Variants in NRXN3 observed in about 807,000 individuals in gnomAD.
The protein encoded by NRXN3 is neurexin III.
A neutral mutation model predicts 137.6 loss-of-function variants in NRXN3; 32 were observed. That is an observed-to-expected ratio of 0.23 (90% confidence interval 0.18 to 0.31). The LOEUF is 0.31. Ranked by LOEUF, NRXN3 falls within the 10% of genes least tolerant of loss-of-function variation. The probability of loss-of-function intolerance (pLI) is 1.00; values close to 1 mark genes in which losing one functional copy is unlikely to be tolerated. For missense variants in NRXN3, 1,574 were observed against 2,062.5 expected, an observed-to-expected ratio of 0.76 and a Z score of 4.59; for synonymous variants, 798 against 784.5, an observed-to-expected ratio of 1.02 and a Z score of -0.29.
At chr14:79,293,076 G>GT (rs1206339986) in intron 15 of NRXN3, among the ~76,000 whole-genome samples, 1 of 152,182 alleles carries the variant, frequency 6.6e-6, no homozygotes, top group Non-Finnish European at 1.5e-5. Context: ...CATGTTTCTT[G>GT]TTTTTTCCAT....
At chr14:79,339,144 G>T (rs921716422) in intron 15 of NRXN3, among the ~76,000 whole-genome samples, 1 of 152,130 alleles carries the variant, frequency 6.6e-6, no homozygotes, top group African/African-American at 2.4e-5. Flanking sequence ...ATGGAGCAAG[G>T]TTACCTTCAC....
At chr14:79,420,986 C>G (rs2095568029) in intron 15 of NRXN3, among the ~76,000 whole-genome samples, 1 of 152,118 alleles carries the variant, frequency 6.6e-6, no homozygotes, top group Non-Finnish European at 1.5e-5. Flanking sequence ...CAAATAAGAA[C>G]AAGCATTGCA....
intron 2 of NRXN3, among the ~76,000 whole-genome samples, chr14:78,277,754 G>A (rs571968497): frequency 5.9e-5 from 9 of 152,130 alleles, no homozygotes; most frequent in Non-Finnish European, 1.3e-4. Flanking sequence ...TCCCCAGCCC[G>A]ATTCTATTTC....
At chr14:78,716,550 A>C (rs2098434934) in intron 8 of NRXN3, among the ~76,000 whole-genome samples, 1 of 152,210 alleles carries the variant, frequency 6.6e-6, no homozygotes, top group Non-Finnish European at 1.5e-5. Context: ...ATTCAGAGAC[A>C]GAAGAACGTT....
At chr14:78,754,646 T>C (rs989962272) in intron 8 of NRXN3, among the ~76,000 whole-genome samples, 6 of 152,178 alleles carry the variant, frequency 3.9e-5, no homozygotes, top group Admixed American at 6.5e-5. Flanking sequence ...GTTTTCAAAG[T>C]GCGACTGCCA....
At chr14:78,253,394 C>A (rs948319964) in intron 2 of NRXN3, among the ~76,000 whole-genome samples, 2 of 152,176 alleles carry the variant, frequency 1.3e-5, no homozygotes, top group Non-Finnish European at 2.9e-5. Context: ...TCATGGGAGT[C>A]TGGGCGCTGT....
chr14:79,245,187 G>GCATCT, intron 15 of NRXN3, among the ~76,000 whole-genome samples: 1 of 152,260 alleles, frequency 6.6e-6, no homozygotes, highest in African/African-American at 2.4e-5. Context: ...CTTGACCTAA[G>GCATCT]CATCTTTCAA....
At chr14:78,815,844 C>A (rs2153110358) in intron 10 of NRXN3, among the ~76,000 whole-genome samples, 1 of 152,196 alleles carries the variant, frequency 6.6e-6, no homozygotes, top group Non-Finnish European at 1.5e-5. Flanking sequence ...ATTGTAGAAC[C>A]CTCTTTGGTA....
At chr14:79,461,189 T>C (rs2096334187) in intron 15 of NRXN3, among the ~76,000 whole-genome samples, 1 of 152,180 alleles carries the variant, frequency 6.6e-6, no homozygotes, top group African/African-American at 2.4e-5. Context: ...TTTATCCCAT[T>C]AGTCATTGGG....
At chr14:78,300,819 A>C (rs2076798955) in intron 4 of NRXN3, 1 of 657,080 alleles carries the variant, frequency 1.5e-6, no homozygotes, top group Non-Finnish European at 2.6e-6. Flanking sequence ...AACAACTGAA[A>C]AATAAGAATA....
At chr14:78,888,854 C>CACAT (rs1176917212) in intron 10 of NRXN3, among the ~76,000 whole-genome samples, 2 of 151,566 alleles carry the variant, frequency 1.3e-5, no homozygotes, top group African/African-American at 2.4e-5. Flanking sequence ...CACATACACA[C>CACAT]ACACACACAC....
chr14:79,616,144 A>G (rs1024000817), intron 16 of NRXN3, among the ~76,000 whole-genome samples: 1 of 152,146 alleles, frequency 6.6e-6, no homozygotes, highest in Non-Finnish European at 1.5e-5. Context: ...TTTGCATTTT[A>G]GAAATATTGT....
chr14:79,306,718 A>G (rs1389896522), intron 15 of NRXN3, among the ~76,000 whole-genome samples: 6 of 152,008 alleles, frequency 3.9e-5, no homozygotes, highest in African/African-American at 1.4e-4. Flanking sequence ...TCATCATTTG[A>G]GATAAGCCCC....
chr14:78,401,578 G>T (rs574506553), intron 4 of NRXN3, among the ~76,000 whole-genome samples: 1 of 152,156 alleles, frequency 6.6e-6, no homozygotes, highest in South Asian at 2.1e-4. Context: ...GCACTAGTTG[G>T]GTCCCAAAAG....
chr14:79,719,402 G>GTATATATATGTGTGTGTGTA (rs5741998), intron 19 of NRXN3, among the ~76,000 whole-genome samples: 55,195 of 142,140 alleles, frequency 0.39, 11,444 homozygotes, highest in East Asian at 0.75. Flanking sequence ...ATATATGTGT[G>GTATATATATGTGTGTGTGTA]TATATATATA....
At chr14:79,417,153 A>T (rs755176161) in intron 15 of NRXN3, among the ~76,000 whole-genome samples, 1 of 152,134 alleles carries the variant, frequency 6.6e-6, no homozygotes, top group African/African-American at 2.4e-5. Context: ...GATGATTATT[A>T]TCTATTTCAT....
intron 19 of NRXN3, among the ~76,000 whole-genome samples, chr14:79,804,706 T>A (rs1307251623): frequency 6.6e-6 from 1 of 152,192 alleles, no homozygotes; most frequent in Admixed American, 6.5e-5. Flanking sequence ...ATTGAAACTC[T>A]CTCAAAGCCA....
chr14:78,384,808 A>G (rs952756486), intron 4 of NRXN3, among the ~76,000 whole-genome samples: 1 of 152,192 alleles, frequency 6.6e-6, no homozygotes, highest in African/African-American at 2.4e-5. Flanking sequence ...TCTTTCAAAT[A>G]TACCATTCGG....
intron 4 of NRXN3, among the ~76,000 whole-genome samples, chr14:78,529,684 C>T (rs898049768): frequency 6.6e-6 from 1 of 152,154 alleles, no homozygotes; most frequent in Admixed American, 6.6e-5. Flanking sequence ...TGAATTACAG[C>T]ATTTTCTAAC....
Sources: gnomAD v4.1 joint callset for allele counts (sites outside exome capture counted in the v4.1 genomes callset) on GRCh38, gnomAD v4.1.1 for gene constraint, MANE v1.5 for transcripts, NCBI Gene and HGNC (gene_info 2026-07-23, HGNC 2026-07-21) for gene names.